The following ZFHX3 variants were observed in gnomAD, a reference collection of about 807,000 sequenced individuals.
ZFHX3 encodes the protein zinc finger homeobox protein 3.
A neutral mutation model predicts 279.1 loss-of-function variants in ZFHX3; 42 were observed. That is an observed-to-expected ratio of 0.15 (90% CI 0.12 to 0.19). ZFHX3 has a LOEUF of 0.19. ZFHX3 is among the 10% of genes least tolerant of loss of function. ZFHX3 has a pLI of 1.00. For missense variants in ZFHX3, 4,981 were observed against 4,754.0 expected (o/e 1.05, Z -1.40); for synonymous variants, 2,293 against 1,957.8 (o/e 1.17, Z -4.52).
At chr16:73,702,496 C>T (rs564789071) in intron 1 of ZFHX3, among the ~76,000 whole-genome samples, 2 of 152,074 alleles carry the variant, frequency 1.3e-5, no homozygotes, top group East Asian at 1.9e-4. Context: ...GAACCTTCCT[C>T]GAAACTGACA....
chr16:73,772,316 A>C (rs1225550691), intron 1 of ZFHX3, among the ~76,000 whole-genome samples: 1 of 152,230 alleles, frequency 6.6e-6, no homozygotes, highest in Non-Finnish European at 1.5e-5. Context: ...AAGGCGGAGC[A>C]AGTCACATCT....
rs139100910 is a variant in ZFHX3, at chr16:73,464,522, G to C, written c.-1546-8264C>G. Among the ~76,000 whole-genome samples, 955 of 139,616 alleles carry C rather than the reference G, an allele frequency of 6.8e-3. 5 individuals carry two copies. The highest frequency in any genetic ancestry group is 0.014 in the South Asian group (58 of 4,108). 91.6% of individuals were successfully genotyped at this position (139,616 alleles called of 152,430 possible). On this transcript the variant is annotated intron_variant, in intron 2 of 17. Transcript: ENST00000641206. ...CTGTGAATCCAGCCCTGGGCAGACA[G>C]TGAGAATTTAAGCTTCCAATCGGTT...
chr16:72,904,776 G>T (rs546249622), intron 3 of ZFHX3, among the ~76,000 whole-genome samples: 1 of 70,852 alleles, frequency 1.4e-5, no homozygotes, highest in Non-Finnish European at 3.1e-5. Flanking sequence ...CCTTGCCTGT[G>T]GGGGGGGTCC....
At chr16:73,599,276 C>T (rs34787190) in intron 2 of ZFHX3, among the ~76,000 whole-genome samples, 30,172 of 152,144 alleles carry the variant, frequency 0.2, 4,336 homozygotes, top group African/African-American at 0.4. Flanking sequence ...GCCACTCAAC[C>T]GGCCTTTTGG....
At chr16:73,072,495 A>G (rs1965836481) in intron 8 of ZFHX3, among the ~76,000 whole-genome samples, 1 of 151,406 alleles carries the variant, frequency 6.6e-6, no homozygotes, top group South Asian at 2.1e-4. Context: ...CTATTGGAAG[A>G]CCCTACTAAG....
At chr16:73,317,852 GAA>G (rs1322757021) in intron 4 of ZFHX3, among the ~76,000 whole-genome samples, 1 of 152,198 alleles carries the variant, frequency 6.6e-6, no homozygotes, top group African/African-American at 2.4e-5. Flanking sequence ...TGGGCCCAGA[GAA>G]TTCCAGTCCT....
chr16:73,778,508 G>C (rs1425867360), intron 1 of ZFHX3, among the ~76,000 whole-genome samples: 5 of 152,184 alleles, frequency 3.3e-5, no homozygotes, highest in Admixed American at 6.5e-5. Context: ...CTCAGTGGTA[G>C]CAGCAATATG....
At chr16:73,008,797 C>T (rs1302381139) in intron 1 of ZFHX3, among the ~76,000 whole-genome samples, 2 of 151,870 alleles carry the variant, frequency 1.3e-5, no homozygotes, top group Non-Finnish European at 2.9e-5. Flanking sequence ...AAGACTTGGC[C>T]CCAAGATGAT....
chr16:73,890,398 C>T (rs954040813), intron 1 of ZFHX3, among the ~76,000 whole-genome samples: 7 of 152,142 alleles, frequency 4.6e-5, no homozygotes, highest in Admixed American at 1.3e-4. Flanking sequence ...AACTAGCCGC[C>T]TGAGAATTTG....
At chr16:73,645,223 T>C (rs963998431) in intron 2 of ZFHX3, among the ~76,000 whole-genome samples, 16 of 152,242 alleles carry the variant, frequency 1.1e-4, no homozygotes, top group Middle Eastern at 3.2e-3. Context: ...ATTCCAAATG[T>C]AGCATTTAAA....
intron 7 of ZFHX3, among the ~76,000 whole-genome samples, chr16:72,804,608 G>A (rs2036206921): frequency 6.6e-6 from 1 of 152,148 alleles, no homozygotes; most frequent in East Asian, 1.9e-4. Flanking sequence ...ATGTTCTAAT[G>A]CTTTTCAAGA....
chr16:73,667,082 C>T (rs2142180822), intron 2 of ZFHX3, among the ~76,000 whole-genome samples: 1 of 152,120 alleles, frequency 6.6e-6, no homozygotes, highest in South Asian at 2.1e-4. Context: ...ACCTCCACCT[C>T]TCGGGTTCAA....
intron 3 of ZFHX3, among the ~76,000 whole-genome samples, chr16:73,396,080 G>C (rs1196817756): frequency 2.6e-5 from 4 of 152,204 alleles, no homozygotes; most frequent in Admixed American, 6.5e-5. Flanking sequence ...TAGCAATTCT[G>C]TTGAAGTTAT....
At chr16:73,325,910 C>CAT (rs2015672991) in intron 3 of ZFHX3, among the ~76,000 whole-genome samples, 1 of 109,710 alleles carries the variant, frequency 9.1e-6, no homozygotes, top group South Asian at 3.5e-4. Flanking sequence ...CAAACACACA[C>CAT]ACACACACAC....
intron 3 of ZFHX3, among the ~76,000 whole-genome samples, chr16:72,946,330 G>A (rs1248020954): frequency 2.0e-5 from 3 of 152,184 alleles, no homozygotes; most frequent in Non-Finnish European, 4.4e-5. Flanking sequence ...CAACACCGTG[G>A]TAGACAACCC....
At chr16:73,583,723 C>T (rs1234061612) in intron 2 of ZFHX3, among the ~76,000 whole-genome samples, 1 of 152,134 alleles carries the variant, frequency 6.6e-6, no homozygotes, top group Non-Finnish European at 1.5e-5. Context: ...TAACAAATGT[C>T]CCACTGTAAA....
At chr16:73,116,026 A>G (rs545596277) in intron 7 of ZFHX3, among the ~76,000 whole-genome samples, 149 of 152,104 alleles carry the variant, frequency 9.8e-4, no homozygotes, top group Middle Eastern at 6.8e-3. Context: ...AGGCTGAGGC[A>G]GGGGAATCAC....
intron 4 of ZFHX3, among the ~76,000 whole-genome samples, chr16:73,260,108 C>A (rs1307772905): frequency 8.5e-5 from 13 of 152,068 alleles, no homozygotes; most frequent in Non-Finnish European, 4.4e-5. Context: ...AGGACCTTGA[C>A]ATTTTTGAAG....
At chr16:72,882,404 C>T (rs1464273452) in intron 4 of ZFHX3, among the ~76,000 whole-genome samples, 1 of 152,174 alleles carries the variant, frequency 6.6e-6, no homozygotes, top group African/African-American at 2.4e-5. Flanking sequence ...ACCCTGGTAG[C>T]TTCATCATCC....
Sources: gnomAD v4.1 joint callset for allele counts (sites outside exome capture counted in the v4.1 genomes callset) on GRCh38, gnomAD v4.1.1 for gene constraint, MANE v1.5 for transcripts, NCBI Gene and HGNC (gene_info 2026-07-23, HGNC 2026-07-21) for gene names.